SHISA9: variants seen among roughly 807,000 people sequenced by gnomAD.
SHISA9 encodes protein shisa-9.
Under a neutral mutation model 38.0 loss-of-function variants are expected in SHISA9, and 13 were observed. That is an observed-to-expected ratio of 0.34 (90% CI 0.22 to 0.54). SHISA9 has a LOEUF of 0.54. SHISA9 is among the 20% of genes least tolerant of loss of function. SHISA9 has a pLI of 0.91. For missense variants in SHISA9, 538 were observed against 575.8 expected (o/e 0.93, Z 0.67); for synonymous variants, 275 against 242.0 (o/e 1.14, Z -1.27).
the SHISA9 span, among the ~76,000 whole-genome samples, chr16:13,346,140 G>C: frequency 6.6e-6 from 1 of 152,098 alleles, no homozygotes; most frequent in Non-Finnish European, 1.5e-5. Context: ...CAAGTGTCCA[G>C]TGTCTATCAT....
chr16:13,049,298 T>A (rs1405292718), intron 2 of SHISA9, among the ~76,000 whole-genome samples: 1 of 152,068 alleles, frequency 6.6e-6, no homozygotes, highest in Non-Finnish European at 1.5e-5. Flanking sequence ...AAGTTGAAGA[T>A]CATCTCCAAG....
chr16:13,038,377 TG>T (rs1042870907), intron 2 of SHISA9, among the ~76,000 whole-genome samples: 5 of 152,210 alleles, frequency 3.3e-5, no homozygotes, highest in African/African-American at 1.2e-4. Flanking sequence ...ATAACCTTAC[TG>T]TGGCCCACAA....
chr16:12,907,430 A>C (rs900503713), intron 1 of SHISA9, among the ~76,000 whole-genome samples: 2 of 148,978 alleles, frequency 1.3e-5, no homozygotes, highest in African/African-American at 5.0e-5. Flanking sequence ...TTCTTGGCTG[A>C]AACATGTGAA....
the SHISA9 span, among the ~76,000 whole-genome samples, chr16:13,499,258 A>AT: frequency 6.6e-6 from 1 of 152,234 alleles, no homozygotes; most frequent in Non-Finnish European, 1.5e-5. Flanking sequence ...GAAAAGTGTT[A>AT]TTTTATCACC....
chr16:13,523,647 C>T, the SHISA9 span, among the ~76,000 whole-genome samples: 3 of 152,184 alleles, frequency 2.0e-5, no homozygotes, highest in Admixed American at 6.5e-5. Context: ...CACTTTTGAA[C>T]GATCAGATCT....
the SHISA9 span, among the ~76,000 whole-genome samples, chr16:13,529,006 T>G: frequency 6.6e-6 from 1 of 152,198 alleles, no homozygotes; most frequent in African/African-American, 2.4e-5. Context: ...GCTTCCCAGC[T>G]GACTGAACAG....
intron 4 of SHISA9, among the ~76,000 whole-genome samples, chr16:13,230,051 C>T (rs941145713): frequency 6.6e-6 from 1 of 152,164 alleles, no homozygotes; most frequent in Non-Finnish European, 1.5e-5. Context: ...ATCAAGGCCC[C>T]TTTGTGTGCC....
At chr16:13,374,189 T>C in the SHISA9 span, among the ~76,000 whole-genome samples, 1 of 152,082 alleles carries the variant, frequency 6.6e-6, no homozygotes, top group Non-Finnish European at 1.5e-5. Context: ...TAGTATGCTT[T>C]AAGTTCTAGG....
the SHISA9 span, among the ~76,000 whole-genome samples, chr16:13,429,014 G>C: frequency 6.6e-6 from 1 of 152,046 alleles, no homozygotes. Context: ...TTATCTGCCC[G>C]CCTCAGCCTC....
chr16:13,000,631 A>C (rs1349520451), intron 2 of SHISA9, among the ~76,000 whole-genome samples: 2 of 152,246 alleles, frequency 1.3e-5, no homozygotes, highest in East Asian at 3.9e-4. Flanking sequence ...CCGCAGGCAG[A>C]AGGGGTCCCC....
chr16:13,305,499 C>T, the SHISA9 span, among the ~76,000 whole-genome samples: 1 of 152,150 alleles, frequency 6.6e-6, no homozygotes, highest in African/African-American at 2.4e-5. Flanking sequence ...GGTTTCTATC[C>T]TGTCTTCCCC....
At chr16:13,289,563 C>T in the SHISA9 span, among the ~76,000 whole-genome samples, 1 of 151,308 alleles carries the variant, frequency 6.6e-6, no homozygotes, top group African/African-American at 2.4e-5. Context: ...CCAAGAGGAT[C>T]AGACAATATA....
chr16:13,473,110 A>G, the SHISA9 span, among the ~76,000 whole-genome samples: 1 of 152,264 alleles, frequency 6.6e-6, no homozygotes, highest in African/African-American at 2.4e-5. Context: ...CTCTGTAAGT[A>G]TTCTTGAGTT....
chr16:13,537,783 A>G, the SHISA9 span, among the ~76,000 whole-genome samples: 1 of 152,186 alleles, frequency 6.6e-6, no homozygotes, highest in African/African-American at 2.4e-5. Context: ...CTTTAAACCT[A>G]TGTTTCTGAT....
chr16:13,025,962 T>G (rs977814706), intron 2 of SHISA9, among the ~76,000 whole-genome samples: 1 of 152,050 alleles, frequency 6.6e-6, no homozygotes, highest in Non-Finnish European at 1.5e-5. Flanking sequence ...TGCACCACCA[T>G]GCCCAGCTAA....
chr16:13,514,703 G>A, the SHISA9 span, among the ~76,000 whole-genome samples: 1 of 152,076 alleles, frequency 6.6e-6, no homozygotes, highest in African/African-American at 2.4e-5. Flanking sequence ...AACTTTAATT[G>A]GCCTAATACA....
At chr16:13,396,289 T>C in the SHISA9 span, among the ~76,000 whole-genome samples, 1,485 of 152,310 alleles carry the variant, frequency 9.7e-3, 12 homozygotes, top group Middle Eastern at 0.034. Flanking sequence ...GGCGGATCAC[T>C]TGAGGTCAGG....
intron 1 of SHISA9, among the ~76,000 whole-genome samples, chr16:12,912,714 A>G (rs1325736971): frequency 6.6e-6 from 1 of 152,136 alleles, no homozygotes; most frequent in Non-Finnish European, 1.5e-5. Context: ...CTTTGATTTC[A>G]AAGACGTTCA....
the SHISA9 span, among the ~76,000 whole-genome samples, chr16:13,512,906 C>G: frequency 8.3e-4 from 126 of 152,234 alleles, no homozygotes; most frequent in African/African-American, 2.8e-3. Flanking sequence ...TATAAAAACC[C>G]TGGAAGAAAA....
Sources: gnomAD v4.1 joint callset for allele counts (sites outside exome capture counted in the v4.1 genomes callset) on GRCh38, gnomAD v4.1.1 for gene constraint, MANE v1.5 for transcripts, NCBI Gene and HGNC (gene_info 2026-07-23, HGNC 2026-07-21) for gene names.